DPF3: variants seen among roughly 807,000 people sequenced by gnomAD.
The protein encoded by DPF3 is double PHD fingers 3, also known as zinc finger protein DPF3.
DPF3 carries 18 observed loss-of-function variants against 56.8 expected under a neutral mutation model. The observed-to-expected ratio is 0.32, with a 90% CI of 0.22 to 0.47. The LOEUF is 0.47. Among genes scored for constraint, DPF3 ranks in the 20% least tolerant of loss-of-function variants. DPF3 has a pLI of 1.00. For synonymous variants in DPF3, 188 were observed against 180.2 expected, an observed-to-expected ratio of 1.04 and a Z score of -0.35; for missense variants, 403 against 488.8, an observed-to-expected ratio of 0.82 and a Z score of 1.65.
In DPF3 at chr14:72,614,710, G is replaced by A. The variant is rs993332348; in HGVS notation, c.*4587C>T. ...GGAGCTGAATCAGTGTTCAGAACTG[G>A]GCAGAGGTTTGGCCTTTTTACAAAA... On this transcript the variant is annotated 3_prime_UTR_variant, in exon 11 of 11. Coordinates refer to ENST00000556509, the MANE Select transcript of DPF3 (RefSeq NM_001280542.3). Among the ~76,000 whole-genome samples, 7 of 146,688 alleles carry A rather than the reference G, an allele frequency of 4.8e-5. No individual in the cohort carries two copies. Among genetic ancestry groups the A allele is most frequent in the African/African-American group, 1.8e-4 (7 of 39,630 alleles).
intron 1 of DPF3, among the ~76,000 whole-genome samples, chr14:72,818,106 TG>T (rs1883367627): frequency 6.6e-6 from 1 of 151,978 alleles, no homozygotes; most frequent in Non-Finnish European, 1.5e-5. Context: ...CTGGGCATGG[TG>T]GTACACACAT....
At chr14:72,854,295 G>A (rs1014152775) in intron 1 of DPF3, among the ~76,000 whole-genome samples, 11 of 152,086 alleles carry the variant, frequency 7.2e-5, no homozygotes, top group Admixed American at 7.2e-4. Context: ...GGTGGAGGTT[G>A]CAGTGAGCCG....
At position 72,714,529 on chromosome 14, in the gene DPF3, T is replaced by A. The variant is rs758224053; in HGVS notation, c.526-28A>T. On this transcript the variant is annotated intron_variant, in intron 5 of 10. Transcript: ENST00000556509. ...GGGGAGACATTGGGGTACAGGATGCTTGTTACCATGGTCATCACTACAGCT... is the reference window on the plus strand; with the variant it reads ...GGGGAGACATTGGGGTACAGGATGCATGTTACCATGGTCATCACTACAGCT... 8 of 1,612,654 alleles carry A rather than the reference T, an allele frequency of 5.0e-6. No homozygotes were observed. In the Admixed American group the frequency reaches 1.3e-4, roughly 27 times the overall value.
chr14:72,769,640 ACTGCACTCCAG>A, intron 2 of DPF3, among the ~76,000 whole-genome samples: 1 of 144,720 alleles, frequency 6.9e-6, no homozygotes, highest in Middle Eastern at 3.5e-3. Flanking sequence ...AGATCATGCC[ACTGCACTCCAG>A]CCTGGCTACT....
rs1259355392 is a variant in DPF3, at chr14:72,610,879, ACCCCTT to A, written c.*8412_*8417del. On this transcript the variant is annotated 3_prime_UTR_variant, in exon 11 of 11. Transcript: ENST00000556509. ...GGTCCAAGTCAGAGGCCTTTGCCTC[ACCCCTT>A]CCACCAGCAGGGCCATTCAGAGAAG... 6.6e-6 allele frequency among the ~76,000 whole-genome samples: 1 copy of A among 152,200 alleles called. No homozygotes were observed. Among genetic ancestry groups the A allele is most frequent in the Non-Finnish European group, 1.5e-5 (1 of 68,032 alleles).
At chr14:72,756,869 A>AAAGAAAGG (rs1555503988) in intron 2 of DPF3, among the ~76,000 whole-genome samples, 5,986 of 95,046 alleles carry the variant, frequency 0.063, 210 homozygotes, top group East Asian at 0.091. Context: ...AGAAAGAAAG[A>AAAGAAAGG]AAGGAAGGAA....
chr14:72,814,694 A>T (rs1467319376), intron 1 of DPF3, among the ~76,000 whole-genome samples: 1 of 152,116 alleles, frequency 6.6e-6, no homozygotes, highest in Non-Finnish European at 1.5e-5. Context: ...AGGTGCCTGT[A>T]AGCCCAGCTA....
chr14:72,759,999 C>A (rs1891000338), intron 2 of DPF3, among the ~76,000 whole-genome samples: 1 of 152,052 alleles, frequency 6.6e-6, no homozygotes, highest in African/African-American at 2.4e-5. Flanking sequence ...TCAACAAACC[C>A]ACACTCTAAG....
intron 1 of DPF3, among the ~76,000 whole-genome samples, chr14:72,866,448 T>G (rs903396015): frequency 1.3e-5 from 2 of 150,800 alleles, no homozygotes; most frequent in Non-Finnish European, 3.0e-5. Flanking sequence ...TGCTCCTTTC[T>G]GAACCCAAGC....
At chr14:72,737,767 C>T (rs542513412) in intron 3 of DPF3, among the ~76,000 whole-genome samples, 8 of 152,118 alleles carry the variant, frequency 5.3e-5, no homozygotes, top group South Asian at 2.1e-4. Context: ...CCCGACAAGG[C>T]GCATCCATCC....
intron 3 of DPF3, among the ~76,000 whole-genome samples, chr14:72,742,955 C>T (rs769368597): frequency 2.6e-5 from 4 of 152,260 alleles, no homozygotes; most frequent in Non-Finnish European, 4.4e-5. Context: ...CAGGTCCCTA[C>T]GACTTGCTTG....
At chr14:72,808,929 A>AT (rs1293564111) in intron 1 of DPF3, among the ~76,000 whole-genome samples, 1 of 152,182 alleles carries the variant, frequency 6.6e-6, no homozygotes, top group Non-Finnish European at 1.5e-5. Context: ...CAGGCAAGTG[A>AT]TTTTACCTCT....
intron 3 of DPF3, among the ~76,000 whole-genome samples, chr14:72,745,200 C>A (rs1229639855): frequency 6.6e-6 from 1 of 152,124 alleles, no homozygotes; most frequent in Non-Finnish European, 1.5e-5. Flanking sequence ...CCAGGATGGA[C>A]AAATTATCGT....
intron 6 of DPF3, among the ~76,000 whole-genome samples, chr14:72,709,271 C>G (rs552693640): frequency 1.3e-5 from 2 of 152,174 alleles, no homozygotes; most frequent in Non-Finnish European, 2.9e-5. Flanking sequence ...CTTGAGAGGG[C>G]CCGCTCCTGG....
chr14:72,787,105 C>T (rs1367952576), intron 1 of DPF3, among the ~76,000 whole-genome samples: 1 of 152,250 alleles, frequency 6.6e-6, no homozygotes. Context: ...CCAGATAGAA[C>T]CCTCAGGAAC....
At chr14:72,767,932 G>A (rs987395143) in intron 2 of DPF3, among the ~76,000 whole-genome samples, 1 of 152,054 alleles carries the variant, frequency 6.6e-6, no homozygotes, top group Non-Finnish European at 1.5e-5. Flanking sequence ...TTACTTATAA[G>A]GGAAAAAAGC....
chr14:72,872,473 C>A (rs1020748746), intron 1 of DPF3, among the ~76,000 whole-genome samples: 1 of 152,202 alleles, frequency 6.6e-6, no homozygotes, highest in African/African-American at 2.4e-5. Flanking sequence ...AACTGAATGC[C>A]TTTAACAGCA....
chr14:72,748,893 G>A (rs1890437480), intron 3 of DPF3, among the ~76,000 whole-genome samples: 1 of 152,244 alleles, frequency 6.6e-6, no homozygotes, highest in South Asian at 2.1e-4. Flanking sequence ...GAAATGCCTG[G>A]ATACCCAGGC....
intron 8 of DPF3, among the ~76,000 whole-genome samples, chr14:72,652,823 G>A (rs899975515): frequency 9.2e-5 from 14 of 152,162 alleles, no homozygotes; most frequent in Non-Finnish European, 2.1e-4. Context: ...GAAGGCAGAT[G>A]AACAAGAGGG....
Sources: allele counts gnomAD v4.1 joint callset (sites outside exome capture counted in the v4.1 genomes callset), GRCh38; gene constraint gnomAD v4.1.1; transcripts MANE v1.5; gene names NCBI Gene and HGNC (gene_info 2026-07-23, HGNC 2026-07-21).